PTPRK: variants seen among roughly 807,000 people sequenced by gnomAD.
PTPRK encodes the protein protein tyrosine phosphatase receptor type K, also known as receptor-type tyrosine-protein phosphatase kappa.
Under a neutral mutation model 178.0 loss-of-function variants are expected in PTPRK, and 75 were observed. The observed-to-expected ratio is 0.42, with a 90% CI of 0.35 to 0.51. PTPRK has a LOEUF of 0.51. Ranked by LOEUF, PTPRK falls within the 20% of genes least tolerant of loss-of-function variation. The probability of loss-of-function intolerance (pLI) is 0.02; values close to 1 mark genes in which losing one functional copy is unlikely to be tolerated. For missense variants in PTPRK, 1,441 were observed against 1,797.8 expected (o/e 0.80, Z 3.59); for synonymous variants, 637 against 620.6 (o/e 1.03, Z -0.39).
rs913841589 is a variant in PTPRK, at chr6:127,974,810, C to T, written c.3970-983G>A. Among the ~76,000 whole-genome samples, 11 of 152,212 alleles carry T rather than the reference C, an allele frequency of 7.2e-5. No homozygotes were observed. In the East Asian group the frequency reaches 1.3e-3, roughly 19 times the overall value. On this transcript the variant is annotated intron_variant, in intron 27 of 29. Coordinates refer to ENST00000368226, the MANE Select transcript of PTPRK (RefSeq NM_002844.4). ...AAAAAATAAAGATTCCTTAAGTACA[C>T]GGAAATCTTTTTTTCCTACACTCTG...
intron 2 of PTPRK, among the ~76,000 whole-genome samples, chr6:128,352,240 C>G (rs4897253): frequency 0.96 from 131,934 of 137,344 alleles, 63,577 homozygotes; most frequent in East Asian, 1. Context: ...GGTGACAGAG[C>G]GAGACTTCAT....
At chr6:128,497,959 A>G (rs1854972128) in intron 1 of PTPRK, among the ~76,000 whole-genome samples, 1 of 152,174 alleles carries the variant, frequency 6.6e-6, no homozygotes, top group African/African-American at 2.4e-5. Flanking sequence ...GAACAGGTTG[A>G]CTAATATGCA....
At chr6:128,004,828 T>G (rs1213739493) in intron 15 of PTPRK, 1 of 365,568 alleles carries the variant, frequency 2.7e-6, no homozygotes, top group Non-Finnish European at 4.9e-6. Context: ...TGCTATGGAC[T>G]GAGTGGTATA....
chr6:128,053,149 A>AACAC lies in PTPRK; in HGVS notation c.2194+11605_2194+11608dup, dbSNP rs61106638. On this transcript the variant is annotated intron_variant, in intron 13 of 29. Coordinates refer to ENST00000368226, the MANE Select transcript of PTPRK (RefSeq NM_002844.4). ...CTGTCTCAGTGGACTATGTGTATGG[A>AACAC]ACACACACACACACACACACACACA... is the stretch of plus-strand genomic sequence containing the variant. 1.7e-4 allele frequency among the ~76,000 whole-genome samples: 25 copies of AACAC among 145,034 alleles called. 1 individual carries two copies. Among genetic ancestry groups the AACAC allele is most frequent in the South Asian group, 9.1e-4 (4 of 4,372 alleles).
At chr6:128,441,961 A>G (rs186331760) in intron 1 of PTPRK, among the ~76,000 whole-genome samples, 128 of 152,290 alleles carry the variant, frequency 8.4e-4, no homozygotes, top group Non-Finnish European at 1.4e-3. Context: ...AACAATCAAA[A>G]CTAAATCTCC....
At chr6:128,351,511 C>T (rs1044357161) in intron 2 of PTPRK, among the ~76,000 whole-genome samples, 4 of 152,108 alleles carry the variant, frequency 2.6e-5, no homozygotes, top group African/African-American at 9.7e-5. Context: ...GTAATTTTCA[C>T]AAGTAAATTG....
At chr6:128,441,066 C>T (rs1420109302) in intron 1 of PTPRK, among the ~76,000 whole-genome samples, 1 of 152,072 alleles carries the variant, frequency 6.6e-6, no homozygotes, top group African/African-American at 2.4e-5. Flanking sequence ...TATAGAGCCA[C>T]ATCAAATTTC....
At chr6:128,177,355 T>C (rs548963354) in intron 7 of PTPRK, among the ~76,000 whole-genome samples, 7 of 151,930 alleles carry the variant, frequency 4.6e-5, no homozygotes, top group African/African-American at 1.7e-4. Flanking sequence ...AAAGAACATT[T>C]CATGAGACTG....
chr6:128,058,310 T>A (rs1780243542), intron 13 of PTPRK, among the ~76,000 whole-genome samples: 1 of 152,214 alleles, frequency 6.6e-6, no homozygotes, highest in Non-Finnish European at 1.5e-5. Flanking sequence ...TTTTACATCC[T>A]TCTTAAGACT....
intron 13 of PTPRK, among the ~76,000 whole-genome samples, chr6:128,053,626 ACACTC>A (rs1779423007): frequency 6.6e-6 from 1 of 152,092 alleles, no homozygotes; most frequent in Non-Finnish European, 1.5e-5. Context: ...CCACATGTGG[ACACTC>A]TACTCCCTGC....
intron 2 of PTPRK, among the ~76,000 whole-genome samples, chr6:128,333,547 A>AC (rs2128326982): frequency 6.6e-6 from 1 of 151,634 alleles, no homozygotes; most frequent in South Asian, 2.1e-4. Flanking sequence ...TTATTGCTAA[A>AC]AAAAATGCTA....
At chr6:128,014,616 C>T (rs1779400365) in intron 13 of PTPRK, among the ~76,000 whole-genome samples, 1 of 151,422 alleles carries the variant, frequency 6.6e-6, no homozygotes, top group Non-Finnish European at 1.5e-5. Flanking sequence ...TCTTTGGGTC[C>T]ATTACATAGA....
intron 6 of PTPRK, among the ~76,000 whole-genome samples, chr6:128,192,793 G>C (rs1804045611): frequency 6.7e-6 from 1 of 148,926 alleles, no homozygotes; most frequent in African/African-American, 2.5e-5. Flanking sequence ...CTCCAGTGTG[G>C]GCAACAGAAT....
At position 128,042,733 on chromosome 6, in the gene PTPRK, T is replaced by TG. The variant is rs888693207; in HGVS notation, c.2194+22024dup. Among the ~76,000 whole-genome samples, 54 of 152,042 alleles carry TG rather than the reference T, an allele frequency of 3.6e-4. 2 individuals are homozygous for TG. The highest frequency in any genetic ancestry group is 2.9e-5 in the Non-Finnish European group (2 of 67,966). Reference sequence around the variant, plus strand: ...TGGGGATTAGATGTAGACATCTTTGTGGGGGGACATTATTCAGCCTATCAC... The same window carrying TG: ...TGGGGATTAGATGTAGACATCTTTGTGGGGGGGACATTATTCAGCCTATCAC... On this transcript the variant is annotated intron_variant, in intron 13 of 29. Transcript: ENST00000368226.
intron 3 of PTPRK, among the ~76,000 whole-genome samples, chr6:128,281,706 C>T (rs1293510414): frequency 6.6e-6 from 1 of 152,080 alleles, no homozygotes. Context: ...GGAATTAAAA[C>T]CCCCTATCTC....
intron 2 of PTPRK, among the ~76,000 whole-genome samples, chr6:128,360,467 T>C (rs1834572462): frequency 6.6e-6 from 1 of 152,094 alleles, no homozygotes; most frequent in African/African-American, 2.4e-5. Flanking sequence ...CACAAAACAT[T>C]GAGATGTGAT....
At chr6:127,983,441 G>T in intron 22 of PTPRK, 64 bp from the exon 23 acceptor site, 1 of 1,543,096 alleles carries the variant, frequency 6.5e-7, no homozygotes, top group Non-Finnish European at 8.8e-7. Flanking sequence ...CTTAAATAAG[G>T]ACTTTTTCCA....
chr6:128,357,548 G>C (rs1454781225), intron 2 of PTPRK, among the ~76,000 whole-genome samples: 1 of 152,186 alleles, frequency 6.6e-6, no homozygotes, highest in Non-Finnish European at 1.5e-5. Flanking sequence ...TAGCTCCACT[G>C]TAAGTCTTAA....
intron 7 of PTPRK, among the ~76,000 whole-genome samples, chr6:128,143,738 G>A (rs1446085371): frequency 6.6e-6 from 1 of 152,038 alleles, no homozygotes; most frequent in Admixed American, 6.6e-5. Flanking sequence ...TAGATTCCAA[G>A]TGAATCATTC....
Sources: gnomAD v4.1 joint callset for allele counts (sites outside exome capture counted in the v4.1 genomes callset) on GRCh38, gnomAD v4.1.1 for gene constraint, MANE v1.5 for transcripts, NCBI Gene and HGNC (gene_info 2026-07-23, HGNC 2026-07-21) for gene names.